The following GPM6A variants were observed in gnomAD, a reference collection of about 807,000 sequenced individuals.
GPM6A encodes the protein glycoprotein M6A.
GPM6A carries 7 observed loss-of-function variants against 32.1 expected under a neutral mutation model. That is an observed-to-expected ratio of 0.22 (90% CI 0.12 to 0.41). The LOEUF is 0.41. Ranked by LOEUF, GPM6A falls within the 10% of genes least tolerant of loss-of-function variation. The pLI is 1.00. For synonymous variants in GPM6A, 130 were observed against 123.4 expected, an observed-to-expected ratio of 1.05 and a Z score of -0.35; for missense variants, 235 against 347.2, an observed-to-expected ratio of 0.68 and a Z score of 2.57.
At chr4:175,844,504 T>C (rs994795859) in intron 1 of GPM6A, among the ~76,000 whole-genome samples, 1 of 152,202 alleles carries the variant, frequency 6.6e-6, no homozygotes, top group South Asian at 2.1e-4. Flanking sequence ...CTTCTGTTGA[T>C]TTGTTCATTT....
chr4:175,707,203 T>G (rs56948019), intron 1 of GPM6A, among the ~76,000 whole-genome samples: 1 of 152,242 alleles, frequency 6.6e-6, no homozygotes, highest in Non-Finnish European at 1.5e-5. Context: ...TTAATAAACT[T>G]CCTTTCACCT....
chr4:175,897,602 T>C lies in GPM6A; in HGVS notation c.-22-85353A>G, dbSNP rs575241039. Among the ~76,000 whole-genome samples, 21 of 152,310 alleles carry C rather than the reference T, an allele frequency of 1.4e-4. No homozygotes were observed. In the East Asian group the frequency reaches 4.1e-3, roughly 29 times the overall value. On this transcript the variant is annotated intron_variant, in intron 1 of 7. Coordinates refer to the GPM6A transcript ENST00000280187. ...CCCCTGGATTCCTTTAGTGAGTTTA[T>C]TTCTTGCTTAAACTGTAAAAACGTT... is the stretch of plus-strand genomic sequence containing the variant.
intron 1 of GPM6A, among the ~76,000 whole-genome samples, chr4:175,995,709 A>C (rs952855313): frequency 5.3e-5 from 8 of 152,344 alleles, no homozygotes; most frequent in African/African-American, 9.6e-5. Flanking sequence ...CTAGGCAATA[A>C]AATTAGAGGT....
rs1744951396 is a variant in GPM6A at position 175,702,731 on chromosome 4, G to A, written c.38-964C>T. On this transcript the variant is annotated intron_variant, in intron 1 of 6. Transcript: ENST00000393658. ...AGGGTTTCACCATATTGGTCAGGCT[G>A]GTCTCGAACTCTTGACCTCAAAACT... Among the ~76,000 whole-genome samples, 2 of 152,136 alleles carry A rather than the reference G, an allele frequency of 1.3e-5. 1 individual carries two copies. Among genetic ancestry groups the A allele is most frequent in the South Asian group, 4.1e-4 (2 of 4,826 alleles).
At chr4:175,909,034 A>G (rs1366922984) in intron 1 of GPM6A, among the ~76,000 whole-genome samples, 2 of 12,840 alleles carry the variant, frequency 1.6e-4, no homozygotes, top group East Asian at 0.011. Context: ...CAGACAAAAA[A>G]AAAAGGGCGG....
At chr4:175,918,183 G>A (rs971727485) in intron 1 of GPM6A, among the ~76,000 whole-genome samples, 2 of 151,838 alleles carry the variant, frequency 1.3e-5, no homozygotes, top group Non-Finnish European at 2.9e-5. Flanking sequence ...TTATAATGAA[G>A]ACATATTTCA....
At chr4:175,813,901 C>T (rs374206482), upstream of GPM6A, among the ~76,000 whole-genome samples, 1 of 152,182 alleles carries the variant, frequency 6.6e-6, no homozygotes. Flanking sequence ...GTTCAAATAA[C>T]TCAAAACCTA....
At chr4:175,860,051 C>A (rs1736527315) in intron 1 of GPM6A, among the ~76,000 whole-genome samples, 1 of 151,598 alleles carries the variant, frequency 6.6e-6, no homozygotes, top group African/African-American at 2.4e-5. Context: ...GATAGGAGTG[C>A]TTAGAGGGAA....
chr4:175,918,324 T>C (rs1376921162), intron 1 of GPM6A, among the ~76,000 whole-genome samples: 1 of 152,142 alleles, frequency 6.6e-6, no homozygotes, highest in Non-Finnish European at 1.5e-5. Context: ...GTAATGGAGC[T>C]GATAAAGCGG....
intron 1 of GPM6A, among the ~76,000 whole-genome samples, chr4:175,710,280 T>C (rs747440373): frequency 1.3e-5 from 2 of 152,168 alleles, no homozygotes; most frequent in African/African-American, 2.4e-5. Context: ...AGATGGATGC[T>C]GAGCTCATTG....
chr4:175,650,977 CA>C (rs1741769867), intron 4 of GPM6A, among the ~76,000 whole-genome samples: 1 of 152,156 alleles, frequency 6.6e-6, no homozygotes, highest in African/African-American at 2.4e-5. Context: ...CATAGAATCT[CA>C]AATAGGCTGA....
intron 1 of GPM6A, among the ~76,000 whole-genome samples, chr4:175,846,247 C>T (rs1736083903): frequency 6.6e-6 from 1 of 152,094 alleles, no homozygotes; most frequent in African/African-American, 2.4e-5. Context: ...AAGCTTTACA[C>T]CTTCTATTCT....
Position 175,878,283 on chromosome 4 carries a change from C to G in GPM6A, c.-22-66034G>C, listed in dbSNP as rs544368101. ...GCCCTCTTCTCACAGATCCACTAGTCAGTGCCCCAGTGGAGACTCCATGTC... is the reference window on the plus strand; with the variant it reads ...GCCCTCTTCTCACAGATCCACTAGTGAGTGCCCCAGTGGAGACTCCATGTC... On this transcript the variant is annotated intron_variant, in intron 1 of 7. Transcript: ENST00000280187. Among the ~76,000 whole-genome samples the G allele has an allele frequency of 3.3e-5, 5 of 152,312 alleles. No homozygotes were observed. The East Asian group carries it at 5.8e-4, about 18-fold the overall frequency.
chr4:175,991,214 C>T (rs998667240), intron 1 of GPM6A, among the ~76,000 whole-genome samples: 11 of 148,850 alleles, frequency 7.4e-5, no homozygotes, highest in East Asian at 2.0e-4. Context: ...TACAGGTGCC[C>T]GCCACCACTC....
At chr4:175,640,289 T>C (rs1263700975) in intron 5 of GPM6A, 95 bp from the exon 6 acceptor site, 1 of 942,786 alleles carries the variant, frequency 1.1e-6, no homozygotes, top group Non-Finnish European at 1.7e-6. Context: ...ACTTTGTACA[T>C]CTTAAATAAA....
chr4:175,825,112 A>T (rs1030994439), intron 1 of GPM6A, among the ~76,000 whole-genome samples: 25 of 152,336 alleles, frequency 1.6e-4, no homozygotes, highest in African/African-American at 5.3e-4. Flanking sequence ...GCCCATAAAG[A>T]ATCTTGAATA....
chr4:175,943,797 G>C (rs764773488), intron 1 of GPM6A, among the ~76,000 whole-genome samples: 21 of 152,078 alleles, frequency 1.4e-4, no homozygotes, highest in Admixed American at 6.6e-4. Flanking sequence ...TTTTATTGAG[G>C]GTTTTCGCAT....
intron 1 of GPM6A, among the ~76,000 whole-genome samples, chr4:175,861,044 A>G (rs1367881172): frequency 6.6e-6 from 1 of 152,188 alleles, no homozygotes; most frequent in African/African-American, 2.4e-5. Context: ...GTATCATCCT[A>G]AATGAATTTA....
intron 1 of GPM6A, among the ~76,000 whole-genome samples, chr4:175,933,098 A>C (rs1441072411): frequency 1.3e-5 from 2 of 152,074 alleles, no homozygotes; most frequent in Non-Finnish European, 2.9e-5. Flanking sequence ...AAAGATTGGA[A>C]AAGATACACC....
Sources: allele counts gnomAD v4.1 joint callset (sites outside exome capture counted in the v4.1 genomes callset), GRCh38; gene constraint gnomAD v4.1.1; transcripts MANE v1.5; gene names NCBI Gene and HGNC (gene_info 2026-07-23, HGNC 2026-07-21).